Variants in CD274 observed in about 807,000 individuals in gnomAD.
The protein encoded by CD274 is CD274 molecule, also known as programmed cell death 1 ligand 1.
A neutral mutation model predicts 30.1 loss-of-function variants in CD274; 8 were observed. That is an observed-to-expected ratio of 0.27 (90% CI 0.16 to 0.48). The LOEUF is 0.48. CD274 is among the 20% of genes least tolerant of loss of function. The probability of loss-of-function intolerance (pLI) is 0.99; values close to 1 mark genes in which losing one functional copy is unlikely to be tolerated. For missense variants in CD274, 353 were observed against 346.6 expected, an observed-to-expected ratio of 1.02 and a Z score of -0.15; for synonymous variants, 152 against 124.6, an observed-to-expected ratio of 1.22 and a Z score of -1.46.
At chr9:5,466,859 A>G in intron 6 of CD274, 30 bp downstream of exon 6, 2 of 1,537,694 alleles carry the variant, frequency 1.3e-6, no homozygotes, top group Non-Finnish European at 1.8e-6. Context: ...TTGGGAAGTA[A>G]AAGTCAAAGG....
chr9:5,467,977 G>A lies in CD274; in HGVS notation c.*115G>A, dbSNP rs995996946. On this transcript the variant is annotated 3_prime_UTR_variant, in exon 7 of 7. Transcript: ENST00000381577. Reference sequence around the variant, plus strand: ...TGGGCCCGTGGGATGCAGGCAATGTGGGACTTAAAAGGCCCAAGCACTGAA... The same window carrying A: ...TGGGCCCGTGGGATGCAGGCAATGTAGGACTTAAAAGGCCCAAGCACTGAA... The A allele has an allele frequency of 5.6e-6, 5 of 900,114 alleles. No homozygotes were observed. The highest frequency in any genetic ancestry group is 4.1e-5 in the South Asian group (3 of 73,438). The allele number at this position is 900,114 out of a possible 1,614,324, so 55.8% of individuals were successfully genotyped here.
At chr9:5,457,575 A>G (rs1352239111) in intron 3 of CD274, among the ~76,000 whole-genome samples, 155 bp downstream of exon 3, 1 of 152,256 alleles carries the variant, frequency 6.6e-6, no homozygotes, top group East Asian at 1.9e-4. Flanking sequence ...TCACATAATT[A>G]TCCAATTTCT....
At chr9:5,460,142 T>C (rs1028674684) in intron 3 of CD274, among the ~76,000 whole-genome samples, 4 of 152,114 alleles carry the variant, frequency 2.6e-5, no homozygotes, top group Non-Finnish European at 4.4e-5. Flanking sequence ...GTTGAGTCAA[T>C]GAATGAATGA....
chr9:5,466,282 G>C (rs1819496661), intron 5 of CD274, among the ~76,000 whole-genome samples: 1 of 152,116 alleles, frequency 6.6e-6, no homozygotes, highest in African/African-American at 2.4e-5. Context: ...CCTTACATGG[G>C]GGAAAGTAGT....
intron 1 of CD274, among the ~76,000 whole-genome samples, chr9:5,452,310 C>A (rs1327051678): frequency 2.0e-5 from 3 of 152,216 alleles, no homozygotes; most frequent in Admixed American, 1.3e-4. Flanking sequence ...AGCCACTGCT[C>A]CTGGCTGCTT....
chr9:5,464,825 G>A (rs1819468952), intron 4 of CD274, among the ~76,000 whole-genome samples: 1 of 152,152 alleles, frequency 6.6e-6, no homozygotes, highest in African/African-American at 2.4e-5. Flanking sequence ...GGAGGCTCAT[G>A]CCTGTAATCT....
At position 5,457,279 on chromosome 9, in the gene CD274, G is replaced by A. The variant is rs1402214489; in HGVS notation, c.253G>A (p.Ala85Thr). The A allele has an allele frequency of 6.2e-7, 1 of 1,613,890 alleles. No homozygotes were observed. The highest frequency in any genetic ancestry group is 1.3e-5 in the African/African-American group (1 of 74,924). The change falls in exon 3 of 7, where the codon GCC becomes ACC. Residue 85 changes from alanine (A) to threonine (T), a missense_variant. By Grantham distance (58) the Ala-to-Thr change is moderately conservative (BLOSUM62 0). Transcript: ENST00000381577. ...KVQHSSYRQR[A>T]RLLKDQLSLG... is the part of the protein sequence containing the mutation. Reference sequence around the variant, plus strand: ...TCAGCATAGTAGCTACAGACAGAGGGCCCGGCTGTTGAAGGACCAGCTCTC... The same window carrying A: ...TCAGCATAGTAGCTACAGACAGAGGACCCGGCTGTTGAAGGACCAGCTCTC...
chr9:5,457,400 G>T lies in CD274; in HGVS notation c.374G>T (p.Arg125Leu). The T allele has an allele frequency of 6.2e-7, 1 of 1,612,724 alleles. No individual in the cohort carries two copies. Residue 125 changes from arginine to leucine, a missense_variant, in exon 3 of 7, where the codon CGA becomes CTA. By Grantham distance (102) the Arg-to-Leu change is moderately radical. Coordinates refer to ENST00000381577, the MANE Select transcript of CD274 (RefSeq NM_014143.4). Reference protein sequence around the residue: ...MISYGGADYKRITVKVNAPYN... With the variant: ...MISYGGADYKLITVKVNAPYN... ...AGCTATGGTGGTGCCGACTACAAGC[G>T]AATTACTGTGAAAGTCAATGGTAAG...
At chr9:5,452,797 C>G (rs1472510920) in intron 1 of CD274, among the ~76,000 whole-genome samples, 2 of 152,064 alleles carry the variant, frequency 1.3e-5, no homozygotes, top group East Asian at 3.8e-4. Context: ...AGAACTCCAC[C>G]AGAGTAGGCC....
chr9:5,468,031 G>A lies in CD274; in HGVS notation c.*169G>A. 4.7e-6 allele frequency: 3 copies of A among 639,810 alleles called. No homozygotes were observed. The South Asian group carries it at 5.6e-5, about 12-fold the overall frequency. 39.6% of individuals were successfully genotyped at this position (639,810 alleles called of 1,614,324 possible). On this transcript the variant is annotated 3_prime_UTR_variant, in exon 7 of 7. Coordinates refer to ENST00000381577, the MANE Select transcript of CD274 (RefSeq NM_014143.4). The stretch of plus-strand genomic sequence containing the variant: ...GGAACCTGGCGAAAGCAGAGGAGGA[G>A]AATGAAGAAAGATGGAGTCAAACAG...
At chr9:5,452,152 G>C (rs1035647320) in intron 1 of CD274, among the ~76,000 whole-genome samples, 4 of 151,812 alleles carry the variant, frequency 2.6e-5, no homozygotes, top group Non-Finnish European at 5.9e-5. Flanking sequence ...GAGTAGCTGG[G>C]ACTACAGGCA....
rs920961038 is a variant in CD274 at position 5,469,454 on chromosome 9, T to C, written c.*1592T>C. On this transcript the variant is annotated 3_prime_UTR_variant, in exon 7 of 7. Transcript: ENST00000381577. Reference sequence around the variant, plus strand: ...CATTCATATGTTCTTCTAAAGATAGTCTACATTTGGAAATGTATGTTAAAA... The same window carrying C: ...CATTCATATGTTCTTCTAAAGATAGCCTACATTTGGAAATGTATGTTAAAA... 1 of 231,658 alleles carries C rather than the reference T, an allele frequency of 4.3e-6. No individual in the cohort carries two copies. The highest frequency in any genetic ancestry group is 6.1e-5 in the East Asian group (1 of 16,290). 14.4% of individuals were successfully genotyped at this position (231,658 alleles called of 1,614,324 possible). A position where few individuals can be genotyped will look rare whatever the true frequency, so the allele number is the denominator to read the frequency against.
Position 5,468,449 on chromosome 9 carries a change from A to G in CD274, c.*587A>G. The G allele has an allele frequency of 4.3e-6, 1 of 233,370 alleles. No individual in the cohort carries two copies. The highest frequency in any genetic ancestry group is 5.6e-5 in the Admixed American group (1 of 17,818). The allele number at this position is 233,370 out of a possible 1,614,324, so 14.5% of individuals were successfully genotyped here. On this transcript the variant is annotated 3_prime_UTR_variant, in exon 7 of 7. Transcript: ENST00000381577. ...AAACTTGCTGCTTAATGATTTGCTC[A>G]CATCTAGTAAAACATGGAGTATTTG...
intron 3 of CD274, among the ~76,000 whole-genome samples, chr9:5,458,571 A>G (rs115657100): frequency 1.1e-3 from 174 of 152,304 alleles, no homozygotes; most frequent in African/African-American, 4.1e-3. Context: ...CAAGTAGAAA[A>G]AGTATACATT....
rs555496027 is a variant in CD274 at position 5,467,800 on chromosome 9, C to G, written c.851-40C>G. 28 of 1,544,220 alleles carry G rather than the reference C, an allele frequency of 1.8e-5. 1 individual carries two copies. In the Admixed American group the frequency reaches 2.3e-4, roughly 13 times the overall value. On this transcript the variant is annotated intron_variant, in intron 6 of 6. Coordinates refer to ENST00000381577, the MANE Select transcript of CD274 (RefSeq NM_014143.4). Reference sequence around the variant, plus strand: ...GATTTCTTGTTACTTTTTCCCCAGACCACTTCCCATGAAATTAATATACTA... The same window carrying G: ...GATTTCTTGTTACTTTTTCCCCAGAGCACTTCCCATGAAATTAATATACTA...
intron 6 of CD274, 38 bp from the exon 7 acceptor site, chr9:5,467,802 A>G (rs759505861): frequency 1.9e-6 from 3 of 1,555,376 alleles, no homozygotes; most frequent in Admixed American, 1.7e-5. Flanking sequence ...TCCCCAGACC[A>G]CTTCCCATGA....
At chr9:5,459,210 C>T (rs1326852708) in intron 3 of CD274, among the ~76,000 whole-genome samples, 1 of 152,190 alleles carries the variant, frequency 6.6e-6, no homozygotes, top group East Asian at 1.9e-4. Context: ...AAATGACCAA[C>T]CAGGTTTGAG....
rs1819570531 is a variant in CD274 at position 5,470,408 on chromosome 9, A to G, written c.*2546A>G. The stretch of plus-strand genomic sequence containing the variant: ...TTCATCGTAAATGGCATAGGCAGAG[A>G]TGATACCTAATTCTGCATTTGATTG... On this transcript the variant is annotated 3_prime_UTR_variant, in exon 7 of 7. Transcript: ENST00000381577. 4.3e-6 allele frequency: 1 copy of G among 231,076 alleles called. No individual in the cohort carries two copies. 14.3% of individuals were successfully genotyped at this position (231,076 alleles called of 1,614,324 possible). A position where few individuals can be genotyped will look rare whatever the true frequency, so the allele number is the denominator to read the frequency against.
Position 5,468,975 on chromosome 9 carries a change from G to A in CD274, c.*1113G>A, listed in dbSNP as rs1819542376. 1 of 232,984 alleles carries A rather than the reference G, an allele frequency of 4.3e-6. No homozygotes were observed. Among genetic ancestry groups the A allele is most frequent in the Non-Finnish European group, 8.5e-6 (1 of 117,956 alleles). The allele number at this position is 232,984 out of a possible 1,614,324, so 14.4% of individuals were successfully genotyped here. Reference sequence around the variant, plus strand: ...CAAGGAGCTCATAGTATAATGAGGAGATTAACAAGAAAATGTATTATTACA... The same window carrying A: ...CAAGGAGCTCATAGTATAATGAGGAAATTAACAAGAAAATGTATTATTACA... On this transcript the variant is annotated 3_prime_UTR_variant, in exon 7 of 7. Transcript: ENST00000381577.
Sources: allele counts gnomAD v4.1 joint callset (sites outside exome capture counted in the v4.1 genomes callset), GRCh38; gene constraint gnomAD v4.1.1; transcripts MANE v1.5; gene names NCBI Gene and HGNC (gene_info 2026-07-23, HGNC 2026-07-21).